Variants in C8orf34 observed in about 807,000 individuals in gnomAD.
C8orf34 encodes the protein uncharacterized protein C8orf34.
C8orf34 carries 65 observed loss-of-function variants against 68.3 expected under a neutral mutation model. The observed-to-expected ratio is 0.95, with a 90% CI of 0.78 to 1.17. The LOEUF is 1.17. Ranked by LOEUF, C8orf34 falls within the 50% of genes most tolerant of loss-of-function variation. The probability of loss-of-function intolerance (pLI) is 0.00; values close to 1 mark genes in which losing one functional copy is unlikely to be tolerated. For synonymous variants in C8orf34, 244 were observed against 241.2 expected (o/e 1.01, Z -0.11); for missense variants, 664 against 655.4 (o/e 1.01, Z -0.14).
chr8:68,375,944 A>G (rs187799877), intron 1 of C8orf34, among the ~76,000 whole-genome samples: 18 of 152,280 alleles, frequency 1.2e-4, no homozygotes, highest in Admixed American at 2.0e-4. Context: ...CAGTATCTCT[A>G]CTTCCTTCCA....
At chr8:68,343,758 T>A (rs1203625468) in intron 1 of C8orf34, among the ~76,000 whole-genome samples, 3 of 152,120 alleles carry the variant, frequency 2.0e-5, no homozygotes, top group Non-Finnish European at 4.4e-5. Flanking sequence ...CATGCCCAGC[T>A]AATTTTTGTA....
chr8:68,545,124 A>G (rs747580662), intron 7 of C8orf34, among the ~76,000 whole-genome samples: 1 of 152,078 alleles, frequency 6.6e-6, no homozygotes, highest in East Asian at 1.9e-4. Flanking sequence ...TGTAGCTCCC[A>G]TAATTCCCAT....
chr8:68,655,732 T>C (rs1267328245), intron 8 of C8orf34, among the ~76,000 whole-genome samples: 1 of 152,164 alleles, frequency 6.6e-6, no homozygotes, highest in Non-Finnish European at 1.5e-5. Context: ...TTAATAGGTA[T>C]GTAACCCCAT....
chr8:68,414,170 A>T (rs752612359), intron 1 of C8orf34, among the ~76,000 whole-genome samples: 5 of 151,812 alleles, frequency 3.3e-5, no homozygotes, highest in Admixed American at 3.3e-4. Flanking sequence ...TTCCATCCAC[A>T]TTTTTCTCTA....
intron 8 of C8orf34, among the ~76,000 whole-genome samples, chr8:68,669,142 C>A (rs909358220): frequency 6.6e-6 from 1 of 152,094 alleles, no homozygotes; most frequent in Non-Finnish European, 1.5e-5. Context: ...ATATCCATTT[C>A]AACTCTGAAA....
At chr8:68,622,930 G>A (rs537656108) in intron 7 of C8orf34, among the ~76,000 whole-genome samples, 9 of 152,286 alleles carry the variant, frequency 5.9e-5, no homozygotes, top group South Asian at 4.1e-4. Flanking sequence ...CATTTGTGAT[G>A]GGGTATCTGA....
intron 7 of C8orf34, among the ~76,000 whole-genome samples, chr8:68,626,594 T>C (rs575778864): frequency 6.6e-6 from 1 of 152,286 alleles, no homozygotes; most frequent in African/African-American, 2.4e-5. Flanking sequence ...ATATTTGTAG[T>C]TTGGATTAAG....
intron 8 of C8orf34, among the ~76,000 whole-genome samples, chr8:68,643,054 G>A (rs922407289): frequency 2.8e-4 from 43 of 152,166 alleles, no homozygotes; most frequent in African/African-American, 1.0e-3. Context: ...CCACAGACCA[G>A]TACCGGTTCA....
At chr8:68,398,179 C>T (rs1265641441) in intron 1 of C8orf34, among the ~76,000 whole-genome samples, 1 of 152,144 alleles carries the variant, frequency 6.6e-6, no homozygotes, top group Non-Finnish European at 1.5e-5. Context: ...AGCAATGTAA[C>T]AACCTGAGGC....
At chr8:68,573,075 A>G (rs1348798065) in intron 7 of C8orf34, among the ~76,000 whole-genome samples, 1 of 151,968 alleles carries the variant, frequency 6.6e-6, no homozygotes, top group Non-Finnish European at 1.5e-5. Flanking sequence ...GGCTCTGTCT[A>G]TCCCTGGCCT....
At chr8:68,770,055 A>G (rs1266596611) in intron 10 of C8orf34, among the ~76,000 whole-genome samples, 1 of 152,198 alleles carries the variant, frequency 6.6e-6, no homozygotes, top group Non-Finnish European at 1.5e-5. Flanking sequence ...AGAGCTATAC[A>G]TAGTTTGCCA....
intron 8 of C8orf34, among the ~76,000 whole-genome samples, chr8:68,689,839 T>C (rs1820635430): frequency 6.6e-6 from 1 of 151,984 alleles, no homozygotes; most frequent in Non-Finnish European, 1.5e-5. Flanking sequence ...TAGTCTTATT[T>C]TGCAAATGAG....
At chr8:68,590,880 G>T (rs1586419230) in intron 7 of C8orf34, among the ~76,000 whole-genome samples, 1 of 152,126 alleles carries the variant, frequency 6.6e-6, no homozygotes, top group Admixed American at 6.6e-5. Flanking sequence ...ACCACACATG[G>T]ACTAGCAAAG....
chr8:68,540,608 C>T (rs527661196), intron 7 of C8orf34, among the ~76,000 whole-genome samples: 12 of 151,814 alleles, frequency 7.9e-5, no homozygotes, highest in Non-Finnish European at 1.8e-4. Context: ...TTTGGGAGGC[C>T]AAGGCAGGCA....
intron 5 of C8orf34, among the ~76,000 whole-genome samples, chr8:68,507,032 G>A (rs921512879): frequency 6.6e-6 from 1 of 152,136 alleles, no homozygotes; most frequent in Non-Finnish European, 1.5e-5. Flanking sequence ...GTTACATTGT[G>A]TTTTAGACTG....
intron 1 of C8orf34, among the ~76,000 whole-genome samples, chr8:68,342,196 T>G: frequency 6.6e-6 from 1 of 152,158 alleles, no homozygotes; most frequent in African/African-American, 2.4e-5. Flanking sequence ...AACATAATAT[T>G]TGTCAATAAA....
At chr8:68,673,850 C>T (rs1459769706) in intron 8 of C8orf34, among the ~76,000 whole-genome samples, 6 of 152,146 alleles carry the variant, frequency 3.9e-5, no homozygotes, top group African/African-American at 1.2e-4. Flanking sequence ...GTAGTGGTTT[C>T]GTCTGACTCG....
At chr8:68,465,884 T>C (rs1812103278) in intron 3 of C8orf34, among the ~76,000 whole-genome samples, 1 of 151,628 alleles carries the variant, frequency 6.6e-6, no homozygotes, top group Non-Finnish European at 1.5e-5. Flanking sequence ...CACACCAACA[T>C]GGCACATGTA....
intron 7 of C8orf34, among the ~76,000 whole-genome samples, chr8:68,569,626 A>G (rs139077312): frequency 2.0e-5 from 3 of 152,324 alleles, no homozygotes; most frequent in African/African-American, 7.2e-5. Flanking sequence ...AATCACCTGC[A>G]AAATTCCCTT....
Sources: gnomAD v4.1 joint callset for allele counts (sites outside exome capture counted in the v4.1 genomes callset) on GRCh38, gnomAD v4.1.1 for gene constraint, MANE v1.5 for transcripts, NCBI Gene and HGNC (gene_info 2026-07-23, HGNC 2026-07-21) for gene names.